PDE10A: variants seen among roughly 807,000 people sequenced by gnomAD.
The protein encoded by PDE10A is phosphodiesterase 10A, also known as cAMP and cAMP-inhibited cGMP 3',5'-cyclic phosphodiesterase 10A.
In PDE10A, 39 loss-of-function variants were observed where a neutral mutation model predicts 97.7. The observed-to-expected ratio is 0.40, with a 90% CI of 0.31 to 0.52. The LOEUF (loss-of-function observed/expected upper bound fraction) is 0.52, where lower values mean the gene tolerates loss of function less well. Ranked by LOEUF, PDE10A falls within the 20% of genes least tolerant of loss-of-function variation. The pLI is 0.56. For missense variants in PDE10A, 731 were observed against 1,047.8 expected (o/e 0.70, Z 4.17); for synonymous variants, 371 against 376.8 (o/e 0.98, Z 0.18).
intron 1 of PDE10A, among the ~76,000 whole-genome samples, chr6:165,921,144 G>A (rs1468453956): frequency 6.6e-6 from 1 of 152,182 alleles, no homozygotes; most frequent in Admixed American, 6.5e-5. Context: ...AATTTCCCCA[G>A]TGCCAGCCAT....
intron 17 of PDE10A, among the ~76,000 whole-genome samples, chr6:165,382,865 T>C (rs536338398): frequency 1.3e-5 from 2 of 152,178 alleles, no homozygotes; most frequent in Non-Finnish European, 2.9e-5. Flanking sequence ...ACCTTTTCTA[T>C]TCAGAACACA....
At chr6:165,917,846 G>A (rs750319724) in intron 1 of PDE10A, among the ~76,000 whole-genome samples, 5 of 152,234 alleles carry the variant, frequency 3.3e-5, no homozygotes, top group Non-Finnish European at 5.9e-5. Context: ...TCTCTGAGCC[G>A]GTGACGCTGG....
chr6:165,751,226 T>C (rs1388146769), intron 1 of PDE10A, among the ~76,000 whole-genome samples: 2 of 152,192 alleles, frequency 1.3e-5, no homozygotes, highest in African/African-American at 4.8e-5. Flanking sequence ...GGCCCAGTTA[T>C]ACTTTGGCCC....
At chr6:165,564,477 C>A (rs891674927) in intron 1 of PDE10A, among the ~76,000 whole-genome samples, 5 of 152,180 alleles carry the variant, frequency 3.3e-5, no homozygotes, top group African/African-American at 1.2e-4. Flanking sequence ...TGTTTTCAAT[C>A]TTGCATTAAG....
At position 165,688,195 on chromosome 6, in the gene PDE10A, A is replaced by C. The variant is rs75668548; in HGVS notation, c.-614-144627T>G. 9.6e-4 allele frequency among the ~76,000 whole-genome samples: 146 copies of C among 152,258 alleles called. 1 individual carries two copies. The East Asian group carries it at 0.023, about 24-fold the overall frequency. ...CCTCCTCCTATAATGATACAGTTTAAAAAATCTAAAGAGAATTGGTTTACA... is the reference window on the plus strand; with the variant it reads ...CCTCCTCCTATAATGATACAGTTTACAAAATCTAAAGAGAATTGGTTTACA... On this transcript the variant is annotated intron_variant, in intron 1 of 19. Transcript: ENST00000366882.
At chr6:165,386,616 A>G (rs2128211677) in intron 17 of PDE10A, among the ~76,000 whole-genome samples, 1 of 152,276 alleles carries the variant, frequency 6.6e-6, no homozygotes, top group African/African-American at 2.4e-5. Flanking sequence ...AAGTTTTAGA[A>G]TGTTCATCCA....
At chr6:165,858,401 G>A (rs1233314652) in intron 1 of PDE10A, among the ~76,000 whole-genome samples, 1 of 152,194 alleles carries the variant, frequency 6.6e-6, no homozygotes, top group Non-Finnish European at 1.5e-5. Context: ...CAAGTGGGGA[G>A]GGAGTTGCTT....
At chr6:165,487,213 T>C (rs1779973616) in intron 2 of PDE10A, among the ~76,000 whole-genome samples, 2 of 152,212 alleles carry the variant, frequency 1.3e-5, no homozygotes. Flanking sequence ...ATCCTGAGGT[T>C]GCCACAAAAG....
chr6:165,605,852 T>A (rs921000360), intron 1 of PDE10A, among the ~76,000 whole-genome samples: 1 of 152,150 alleles, frequency 6.6e-6, no homozygotes, highest in Non-Finnish European at 1.5e-5. Context: ...GACCACATAA[T>A]GAAAGAGACA....
At chr6:165,427,932 C>T (rs1352002978) in intron 10 of PDE10A, among the ~76,000 whole-genome samples, 3 of 152,000 alleles carry the variant, frequency 2.0e-5, no homozygotes, top group African/African-American at 7.2e-5. Context: ...TCTCTAATTA[C>T]CTTTAGTAAA....
At chr6:165,340,849 C>T (rs934216913) in intron 19 of PDE10A, among the ~76,000 whole-genome samples, 2 of 152,016 alleles carry the variant, frequency 1.3e-5, no homozygotes, top group African/African-American at 4.8e-5. Flanking sequence ...GCTCTCCACA[C>T]GGAGGTCATG....
chr6:165,584,170 T>G (rs368099308), intron 1 of PDE10A, among the ~76,000 whole-genome samples: 1 of 152,162 alleles, frequency 6.6e-6, no homozygotes, highest in African/African-American at 2.4e-5. Flanking sequence ...CTGGCAGCCC[T>G]CATGGAGAAA....
chr6:165,759,113 T>C (rs1395060739), intron 1 of PDE10A, among the ~76,000 whole-genome samples: 1 of 152,184 alleles, frequency 6.6e-6, no homozygotes, highest in Non-Finnish European at 1.5e-5. Flanking sequence ...CCAGGAGCTA[T>C]GAGATCCGCT....
At chr6:165,473,391 A>C (rs1779121823) in intron 3 of PDE10A, among the ~76,000 whole-genome samples, 1 of 152,176 alleles carries the variant, frequency 6.6e-6, no homozygotes, top group Non-Finnish European at 1.5e-5. Flanking sequence ...GCTCTAGACA[A>C]AGCTGATAGG....
intron 1 of PDE10A, among the ~76,000 whole-genome samples, chr6:165,746,262 C>T (rs1792840258): frequency 1.3e-5 from 2 of 152,172 alleles, no homozygotes; most frequent in South Asian, 4.2e-4. Context: ...ATAAGAACTA[C>T]CATACTGACC....
rs368421876 is a variant in PDE10A at position 165,345,320 on chromosome 6, AC to A, written c.2784-1819del. 4.6e-3 allele frequency among the ~76,000 whole-genome samples: 699 copies of A among 152,346 alleles called. 8 individuals carry two copies. Among genetic ancestry groups the A allele is most frequent in the African/African-American group, 0.016 (653 of 41,580 alleles). ...ATATAAGGACTGAAAAGATTATAAA[AC>A]AGTTATTTAGATTTCACTGTCAAAA... On this transcript the variant is annotated intron_variant, in intron 18 of 21. Coordinates refer to ENST00000539869, the MANE Select transcript of PDE10A (RefSeq NM_001385079.1).
rs115647274 is a variant in PDE10A at position 165,966,503 on chromosome 6, C to T, written c.-615+21026G>A. On this transcript the variant is annotated intron_variant, in intron 1 of 19. Transcript: ENST00000366882. ...ACATGCAGTGTTCCAGGCCTCGCAG[C>T]CCAGCTCGTGGAAGATGCTTAAAAA... Among the ~76,000 whole-genome samples, 662 of 152,368 alleles carry T rather than the reference C, an allele frequency of 4.3e-3. 6 individuals carry two copies. Among genetic ancestry groups the T allele is most frequent in the African/African-American group, 0.015 (611 of 41,592 alleles).
At chr6:165,633,154 T>C (rs1037286114) in intron 1 of PDE10A, among the ~76,000 whole-genome samples, 2 of 151,930 alleles carry the variant, frequency 1.3e-5, no homozygotes, top group African/African-American at 2.4e-5. Flanking sequence ...CTCTGCAGAA[T>C]AGAGCAAATG....
At chr6:165,556,834 C>G (rs945723802) in intron 1 of PDE10A, among the ~76,000 whole-genome samples, 1 of 151,686 alleles carries the variant, frequency 6.6e-6, no homozygotes, top group Non-Finnish European at 1.5e-5. Context: ...CTTGATAAAT[C>G]TTAAATAAAA....
Sources: gnomAD v4.1 joint callset for allele counts (sites outside exome capture counted in the v4.1 genomes callset) on GRCh38, gnomAD v4.1.1 for gene constraint, MANE v1.5 for transcripts, NCBI Gene and HGNC (gene_info 2026-07-23, HGNC 2026-07-21) for gene names.